Variants in TRMT5 observed in about 807,000 individuals in gnomAD.
The protein encoded by TRMT5 is tRNA (guanine(37)-N(1))-methyltransferase.
Under a neutral mutation model 42.2 loss-of-function variants are expected in TRMT5, and 31 were observed. That is an observed-to-expected ratio of 0.73 (90% CI 0.55 to 0.99). TRMT5 has a LOEUF of 0.99. TRMT5 is among the 50% of genes least tolerant of loss of function. The pLI is 0.00. For synonymous variants in TRMT5, 198 were observed against 209.6 expected (o/e 0.94, Z 0.48); for missense variants, 568 against 595.0 (o/e 0.95, Z 0.47).
chr14:60,971,675 C>A lies in TRMT5; in HGVS notation c.*3434G>T. On this transcript the variant is annotated 3_prime_UTR_variant, in exon 5 of 5. Transcript: ENST00000261249. ...ATTTCACATTTAGCATGTTGTTTAA[C>A]AACTTTTCACAAGCCAACCCTGACT... 1 of 168,240 alleles carries A rather than the reference C, an allele frequency of 5.9e-6. No individual in the cohort carries two copies. 10.4% of individuals were successfully genotyped at this position (168,240 alleles called of 1,614,324 possible).
Position 60,975,097 on chromosome 14 carries a change from A to C in TRMT5, c.*12T>G. ...TGTAAGTCTGGTAGGGAGATGGAGAAAACATTTCCAATTAAGTGTTTGAAA... is the reference window on the plus strand; with the variant it reads ...TGTAAGTCTGGTAGGGAGATGGAGACAACATTTCCAATTAAGTGTTTGAAA... On this transcript the variant is annotated 3_prime_UTR_variant, in exon 5 of 5. Coordinates refer to ENST00000261249, the MANE Select transcript of TRMT5 (RefSeq NM_020810.3). 1 of 1,597,864 alleles carries C rather than the reference A, an allele frequency of 6.3e-7. No individual in the cohort carries two copies. The highest frequency in any genetic ancestry group is 8.5e-7 in the Non-Finnish European group (1 of 1,172,140).
chr14:60,981,681 C>T, upstream of TRMT5: 1 of 1,384,474 alleles, frequency 7.2e-7, no homozygotes, highest in Non-Finnish European at 9.5e-7. Flanking sequence ...ATTATGTACT[C>T]ACTGCTGTTA....
chr14:60,977,881 G>T (rs1412366739), intron 2 of TRMT5, among the ~76,000 whole-genome samples: 1 of 152,036 alleles, frequency 6.6e-6, no homozygotes, highest in Non-Finnish European at 1.5e-5. Context: ...GAGGAGTTTG[G>T]GTCTACCTAA....
chr14:60,980,860 C>A (rs1391361716), intron 1 of TRMT5, 103 bp downstream of exon 1: 1 of 1,571,890 alleles, frequency 6.4e-7, no homozygotes, highest in East Asian at 2.2e-5. Context: ...GGGTGGGTGA[C>A]CTCGCGATGT....
At chr14:60,981,390 G>T (rs752388903), upstream of TRMT5, 2 of 1,584,340 alleles carry the variant, frequency 1.3e-6, no homozygotes, top group Admixed American at 1.8e-5. Flanking sequence ...AACGTAAGTG[G>T]GCTGTGTTCG....
intron 3 of TRMT5, among the ~76,000 whole-genome samples, chr14:60,976,713 C>T (rs896392382): frequency 1.3e-5 from 2 of 152,104 alleles, no homozygotes; most frequent in African/African-American, 4.8e-5. Flanking sequence ...TAAATTAGAG[C>T]CAGTGTATAG....
Position 60,975,699 on chromosome 14 carries a change from G to A in TRMT5, c.1220C>T (p.Pro407Leu). The A allele has an allele frequency of 4.3e-6, 7 of 1,614,164 alleles. No individual in the cohort carries two copies. Among genetic ancestry groups the A allele is most frequent in the Non-Finnish European group, 5.1e-6 (6 of 1,180,040 alleles). ...TATGGGAAGGAACTCACTGCTGCAT[G>A]GCTGCCCATCTAAAAGCCACTTGAA... The part of the protein sequence containing the change: ...SAFKWLLDGQ[P>L]CSSEFLPIVH... The change falls in exon 4 of 5, where the codon CCA (proline) becomes CTA (leucine). Residue 407 changes from proline (P) to leucine (L), a missense_variant. Pro to Leu is a moderately conservative substitution (Grantham distance 98). Transcript: ENST00000261249.
At chr14:60,978,416 C>T (rs1053768923) in intron 2 of TRMT5, among the ~76,000 whole-genome samples, 4 of 152,176 alleles carry the variant, frequency 2.6e-5, no homozygotes, top group Admixed American at 2.0e-4. Flanking sequence ...TATCAATAAA[C>T]GAATTAATCA....
intron 3 of TRMT5, among the ~76,000 whole-genome samples, chr14:60,977,277 A>T (rs538473182): frequency 4.7e-4 from 71 of 152,286 alleles, no homozygotes; most frequent in Middle Eastern, 6.8e-3. Context: ...ATTTTAACAA[A>T]TATGGAGCTA....
chr14:60,979,663 C>T lies in TRMT5; in HGVS notation c.235G>A (p.Val79Ile), dbSNP rs1267682645. ...ETELFSPPSD[V>I]RGMTKLDRTA... Reference sequence around the variant, plus strand: ...CTATCAAGTTTTGTCATGCCTCGGACATCAGAAGGTGGTGAAAACAATTCA... The same window carrying T: ...CTATCAAGTTTTGTCATGCCTCGGATATCAGAAGGTGGTGAAAACAATTCA... Residue 79 changes from valine to isoleucine, a missense_variant, in exon 2 of 5, where the codon GTC (valine) becomes ATC (isoleucine). Transcript: ENST00000261249. The T allele has an allele frequency of 1.2e-6, 2 of 1,614,114 alleles. No homozygotes were observed. Among genetic ancestry groups the T allele is most frequent in the Admixed American group, 1.7e-5 (1 of 59,986 alleles).
In TRMT5 at chr14:60,974,500, G is replaced by A. The variant is rs1302315349; in HGVS notation, c.*609C>T. The A allele has an allele frequency of 1.3e-5, 2 of 152,212 alleles. No individual in the cohort carries two copies. Among genetic ancestry groups the A allele is most frequent in the East Asian group, 3.8e-4 (2 of 5,200 alleles). 9.4% of individuals were successfully genotyped at this position (152,212 alleles called of 1,614,324 possible). A position where few individuals can be genotyped will look rare whatever the true frequency, so the allele number is the denominator to read the frequency against. On this transcript the variant is annotated 3_prime_UTR_variant, in exon 5 of 5. Coordinates refer to ENST00000261249, the MANE Select transcript of TRMT5 (RefSeq NM_020810.3). Reference sequence around the variant, plus strand: ...ATGGTATGTTCCAATCAAACTTTATGAACTCTGAAACTCTTAATTTCATAC... The same window carrying A: ...ATGGTATGTTCCAATCAAACTTTATAAACTCTGAAACTCTTAATTTCATAC...
chr14:60,975,391 A>G, intron 4 of TRMT5, 84 bp downstream of exon 4: 1 of 1,514,550 alleles, frequency 6.6e-7, no homozygotes, highest in Non-Finnish European at 8.9e-7. Flanking sequence ...CTGAACTAAT[A>G]CTGCATTAAA....
Position 60,979,364 on chromosome 14 carries a change from T to C in TRMT5, c.534A>G (p.Glu178=). 6.2e-7 allele frequency: 1 copy of C among 1,614,166 alleles called. No homozygotes were observed. Among genetic ancestry groups the C allele is most frequent in the Non-Finnish European group, 8.5e-7 (1 of 1,180,016 alleles). ...ISKYNLELTY[E]HFKSEEILRA... ...TCAAGATTTCTTCTGACTTAAAGTG[T>C]TCATATGTTAGTTCCAAATTGTATT... The change falls in exon 2 of 5, where the codon GAA becomes GAG. Residue 178 remains glutamate (E), a synonymous_variant. Transcript: ENST00000261249.
rs996965677 is a variant in TRMT5, at chr14:60,973,535, C to A, written c.*1574G>T. ...CACATATAAGGGCTCACACCTGTAA[C>A]CTTCACACATTGGGAAGCCGAGATG... is the stretch of plus-strand genomic sequence containing the variant. On this transcript the variant is annotated 3_prime_UTR_variant, in exon 5 of 5. Transcript: ENST00000261249. The A allele has an allele frequency of 6.6e-6, 1 of 152,228 alleles. No homozygotes were observed. The highest frequency in any genetic ancestry group is 2.4e-5 in the African/African-American group (1 of 41,440). The allele number at this position is 152,228 out of a possible 1,614,324, so 9.4% of individuals were successfully genotyped here. A position where few individuals can be genotyped will look rare whatever the true frequency, so the allele number is the denominator to read the frequency against.
At position 60,972,407 on chromosome 14, in the gene TRMT5, T is replaced by C. The variant is rs2036788253; in HGVS notation, c.*2702A>G. The stretch of plus-strand genomic sequence containing the variant: ...ACAACCTCGCAGATCTTCTCTGTGA[T>C]TCATCCTTCACCTTGGCTTTATCTC... On this transcript the variant is annotated 3_prime_UTR_variant, in exon 5 of 5. Transcript: ENST00000261249. 1 of 537,460 alleles carries C rather than the reference T, an allele frequency of 1.9e-6. No individual in the cohort carries two copies. The allele number at this position is 537,460 out of a possible 1,614,324, so 33.3% of individuals were successfully genotyped here.
intron 2 of TRMT5, 137 bp from the exon 3 acceptor site, chr14:60,977,775 C>T (rs2036866043): frequency 1.3e-6 from 1 of 755,918 alleles, no homozygotes; most frequent in Non-Finnish European, 1.9e-6. Context: ...ATGTGGCATG[C>T]AATTTAAAAA....
chr14:60,981,218 T>A, upstream of TRMT5: 8 of 1,553,508 alleles, frequency 5.1e-6, no homozygotes, highest in Non-Finnish European at 7.0e-6. Context: ...GACCGACGAC[T>A]GGAGCGCAGG....
In TRMT5 at chr14:60,979,227, G is replaced by T. The variant is rs144025340; in HGVS notation, c.667+4C>A. ...ATACATGAATATTACTATGACACAC[G>T]TACCAATTAAATGTTTGAAAGGCAG... On this transcript the variant is annotated splice_donor_region_variant and intron_variant, in intron 2 of 4. Coordinates refer to ENST00000261249, the MANE Select transcript of TRMT5 (RefSeq NM_020810.3). The T allele has an allele frequency of 1.3e-6, 2 of 1,592,936 alleles. No homozygotes were observed. Among genetic ancestry groups the T allele is most frequent in the Admixed American group, 1.8e-5 (1 of 56,964 alleles).
chr14:60,980,799 T>G (rs1229851275), intron 1 of TRMT5, 164 bp downstream of exon 1: 6 of 1,034,496 alleles, frequency 5.8e-6, no homozygotes, highest in African/African-American at 1.6e-5. Context: ...GAAAGGCTTT[T>G]GAAACATTCC....
Sources: allele counts gnomAD v4.1 joint callset (sites outside exome capture counted in the v4.1 genomes callset), GRCh38; gene constraint gnomAD v4.1.1; transcripts MANE v1.5; gene names NCBI Gene and HGNC (gene_info 2026-07-23, HGNC 2026-07-21).